Variants in ADAMTS6 observed in about 807,000 individuals in gnomAD.
ADAMTS6 encodes the protein ADAM metallopeptidase with thrombospondin type 1 motif 6.
In ADAMTS6, 23 loss-of-function variants were observed where a neutral mutation model predicts 144.3. The ratio of observed to expected loss-of-function variants is 0.16; its 90% CI spans 0.11 to 0.23. The LOEUF is 0.23. Ranked by LOEUF, ADAMTS6 falls within the 10% of genes least tolerant of loss-of-function variation. The pLI is 1.00. For synonymous variants in ADAMTS6, 444 were observed against 457.5 expected, an observed-to-expected ratio of 0.97 and a Z score of 0.38; for missense variants, 999 against 1,379.6, an observed-to-expected ratio of 0.72 and a Z score of 4.37.
At chr5:65,413,767 G>A (rs1468248656) in intron 7 of ADAMTS6, among the ~76,000 whole-genome samples, 1 of 151,978 alleles carries the variant, frequency 6.6e-6, no homozygotes, top group African/African-American at 2.4e-5. Context: ...ATTCACAGTG[G>A]TCACTGAAGA....
At chr5:65,326,234 C>T (rs932205250) in intron 9 of ADAMTS6, among the ~76,000 whole-genome samples, 1 of 152,028 alleles carries the variant, frequency 6.6e-6, no homozygotes, top group African/African-American at 2.4e-5. Context: ...ATCTTTTCAA[C>T]TTATAAAATT....
rs117442896 is a variant in ADAMTS6 at position 65,249,315 on chromosome 5, C to T, written c.1831-7109G>A. ...GGAGTATGACCTTCCAGGGTCACTCCACCAGAAAAAGGAAGAAAAGCTTCA... is the reference window on the plus strand; with the variant it reads ...GGAGTATGACCTTCCAGGGTCACTCTACCAGAAAAAGGAAGAAAAGCTTCA... On this transcript the variant is annotated intron_variant, in intron 14 of 24. Coordinates refer to ENST00000381055, the MANE Select transcript of ADAMTS6 (RefSeq NM_197941.4). Among the ~76,000 whole-genome samples, 484 of 152,114 alleles carry T rather than the reference C, an allele frequency of 3.2e-3. 10 individuals are homozygous for T. In the East Asian group the frequency reaches 0.071, roughly 22 times the overall value.
At chr5:65,333,997 T>TAAAAAAAAAAAAAAAA (rs750637450) in intron 8 of ADAMTS6, 45 bp downstream of exon 8, 696 of 842,102 alleles carry the variant, frequency 8.3e-4, no homozygotes, top group Middle Eastern at 2.5e-3. Flanking sequence ...CTACCTTTAT[T>TAAAAAAAAAAAAAAAA]AAAAAAAAAA....
chr5:65,299,123 A>G (rs1743129285), intron 10 of ADAMTS6, among the ~76,000 whole-genome samples: 2 of 152,172 alleles, frequency 1.3e-5, no homozygotes, highest in Non-Finnish European at 2.9e-5. Context: ...TGGTAAAGCA[A>G]TAAAGCACTG....
chr5:65,224,311 C>A lies in ADAMTS6; in HGVS notation c.2272+9G>T. The A allele has an allele frequency of 1.2e-6, 2 of 1,612,580 alleles. No individual in the cohort carries two copies. The highest frequency in any genetic ancestry group is 1.7e-6 in the Non-Finnish European group (2 of 1,178,752). ...AAATCCAGCAAACTAGCATACCAGTCTAACATACCAATATAGTTCTTTGAC... is the reference window on the plus strand; with the variant it reads ...AAATCCAGCAAACTAGCATACCAGTATAACATACCAATATAGTTCTTTGAC... On this transcript the variant is annotated intron_variant, in intron 18 of 24. Coordinates refer to ENST00000381055, the MANE Select transcript of ADAMTS6 (RefSeq NM_197941.4).
intron 7 of ADAMTS6, among the ~76,000 whole-genome samples, chr5:65,440,072 T>C (rs998930273): frequency 6.6e-6 from 1 of 152,092 alleles, no homozygotes; most frequent in Non-Finnish European, 1.5e-5. Flanking sequence ...CGTCCCAAAG[T>C]GCTGGGATTA....
At chr5:65,152,700 G>T (rs1160279596) in intron 24 of ADAMTS6, among the ~76,000 whole-genome samples, 4 of 152,208 alleles carry the variant, frequency 2.6e-5, no homozygotes, top group African/African-American at 9.6e-5. Flanking sequence ...TCCCCTTGAG[G>T]CTGGTTGCAG....
chr5:65,375,599 A>T (rs956086621), intron 7 of ADAMTS6, among the ~76,000 whole-genome samples: 1 of 152,106 alleles, frequency 6.6e-6, no homozygotes, highest in African/African-American at 2.4e-5. Flanking sequence ...ATCATTAAAA[A>T]GTCAGAAAAC....
At chr5:65,396,346 A>C (rs2150155478) in intron 7 of ADAMTS6, among the ~76,000 whole-genome samples, 1 of 152,308 alleles carries the variant, frequency 6.6e-6, no homozygotes, top group African/African-American at 2.4e-5. Flanking sequence ...TAAATTCAGA[A>C]AGAAACTTTA....
In ADAMTS6 at chr5:65,452,143, G is replaced by A. The variant is rs1443473478; in HGVS notation, c.917C>T (p.Thr306Ile). 4 of 1,608,858 alleles carry A rather than the reference G, an allele frequency of 2.5e-6. No individual in the cohort carries two copies. Among genetic ancestry groups the A allele is most frequent in the Non-Finnish European group, 3.4e-6 (4 of 1,177,014 alleles). ...NIIVARLIVL[T>I]EDQPNLEINH... is the part of the protein sequence containing the mutation. Reference sequence around the variant, plus strand: ...CTAACTCATTCTTACCTGATCTTCTGTGAGAACAATTAAGCGGGCCACTAT... The same window carrying A: ...CTAACTCATTCTTACCTGATCTTCTATGAGAACAATTAAGCGGGCCACTAT... Residue 306 changes from threonine to isoleucine, a missense_variant, in exon 6 of 25, where the codon ACA (threonine) becomes ATA (isoleucine). This residue lies in a region of ADAMTS6 where 128 missense variants were observed against 249.0 expected (regional missense o/e 0.51). Transcript: ENST00000381055.
At chr5:65,308,299 T>A (rs908353630) in intron 9 of ADAMTS6, among the ~76,000 whole-genome samples, 1 of 152,180 alleles carries the variant, frequency 6.6e-6, no homozygotes, top group African/African-American at 2.4e-5. Flanking sequence ...GTGCTCCATG[T>A]AAAAATGCCA....
Position 65,197,043 on chromosome 5 carries a change from T to C in ADAMTS6, c.2684A>G (p.Asn895Ser), listed in dbSNP as rs1755432736. Residue 895 changes from asparagine (N) to serine (S), a missense_variant, in exon 21 of 25, where the codon AAC becomes AGC. Asn to Ser is a conservative substitution (Grantham distance 46). This residue lies in a region of ADAMTS6 where 619 missense variants were observed against 837.0 expected (regional missense o/e 0.74). Transcript: ENST00000381055. ...SKPPENQRAC[N>S]TEPCPPEWFI... Reference sequence around the variant, plus strand: ...TTACTCAGGTGGGCAGGGCTCAGTGTTGCAGGCTCTTTGATTTTCAGGTGG... The same window carrying C: ...TTACTCAGGTGGGCAGGGCTCAGTGCTGCAGGCTCTTTGATTTTCAGGTGG... 3 of 1,613,926 alleles carry C rather than the reference T, an allele frequency of 1.9e-6. No homozygotes were observed. The highest frequency in any genetic ancestry group is 2.5e-6 in the Non-Finnish European group (3 of 1,179,842).
intron 3 of ADAMTS6, among the ~76,000 whole-genome samples, chr5:65,468,012 A>G (rs1235496147): frequency 6.6e-6 from 1 of 152,168 alleles, no homozygotes; most frequent in East Asian, 1.9e-4. Flanking sequence ...TAAAGAAACG[A>G]TATTTTTTTT....
chr5:65,437,607 CT>C (rs1156545019), intron 7 of ADAMTS6, among the ~76,000 whole-genome samples: 9 of 152,150 alleles, frequency 5.9e-5, no homozygotes, highest in Non-Finnish European at 1.2e-4. Context: ...TTGGTATACT[CT>C]CAAGATTGGT....
intron 16 of ADAMTS6, 68 bp from the exon 17 acceptor site, chr5:65,225,115 A>G: frequency 7.0e-7 from 1 of 1,426,624 alleles, no homozygotes; most frequent in East Asian, 2.5e-5. Context: ...AATGAAATAC[A>G]TATAACTTAT....
chr5:65,476,698 T>C (rs1376408813), intron 1 of ADAMTS6, among the ~76,000 whole-genome samples: 2 of 151,866 alleles, frequency 1.3e-5, no homozygotes, highest in Non-Finnish European at 2.9e-5. Flanking sequence ...AACCTCCACC[T>C]CCCGGGTTCA....
intron 3 of ADAMTS6, among the ~76,000 whole-genome samples, chr5:65,466,385 C>T (rs1370176419): frequency 1.3e-5 from 2 of 152,226 alleles, no homozygotes; most frequent in Non-Finnish European, 2.9e-5. Context: ...GCCAGCATTT[C>T]CTTCCTCCTT....
chr5:65,202,109 A>G (rs961090032), intron 20 of ADAMTS6, among the ~76,000 whole-genome samples: 3 of 152,124 alleles, frequency 2.0e-5, no homozygotes, highest in African/African-American at 7.2e-5. Context: ...GGTACCAATC[A>G]ACTCCACTCA....
intron 24 of ADAMTS6, among the ~76,000 whole-genome samples, chr5:65,163,637 T>C (rs997723322): frequency 6.6e-6 from 1 of 152,200 alleles, no homozygotes; most frequent in African/African-American, 2.4e-5. Context: ...CTTGAAGAGG[T>C]TTATAAACAT....
Sources: allele counts gnomAD v4.1 joint callset (sites outside exome capture counted in the v4.1 genomes callset), GRCh38; gene constraint gnomAD v4.1.1; regional missense constraint gnomAD v4.1.1; transcripts MANE v1.5; gene names NCBI Gene and HGNC (gene_info 2026-07-23, HGNC 2026-07-21).